The following CLEC2B variants were observed in gnomAD, a reference collection of about 807,000 sequenced individuals.
The protein encoded by CLEC2B is C-type (calcium dependent, carbohydrate-recognition domain) lectin, superfamily member 2 (activation-induced).
CLEC2B carries 14 observed loss-of-function variants against 16.2 expected under a neutral mutation model. The observed-to-expected ratio is 0.86, with a 90% CI of 0.57 to 1.35. The LOEUF (loss-of-function observed/expected upper bound fraction) is 1.35. CLEC2B is among the 40% of genes most tolerant of loss of function. The pLI is 0.00. For synonymous variants in CLEC2B, 42 were observed against 55.8 expected (o/e 0.75, Z 1.10); for missense variants, 166 against 182.3 (o/e 0.91, Z 0.52).
chr12:9,852,535 A>G lies in CLEC2B; in HGVS notation c.*765T>C, dbSNP rs982540544. 6.6e-6 allele frequency among the ~76,000 whole-genome samples: 1 copy of G among 152,180 alleles called. No individual in the cohort carries two copies. The highest frequency in any genetic ancestry group is 1.5e-5 in the Non-Finnish European group (1 of 68,028). ...TAGGTTACAACAGGTAGTTTTAGCA[A>G]CTAGGTTTGTAGAGAATTATATTTT... On this transcript the variant is annotated 3_prime_UTR_variant, in exon 5 of 5. Transcript: ENST00000228438.
chr12:9,862,427 C>T, intron 2 of CLEC2B, 72 bp downstream of exon 2: 1 of 1,290,548 alleles, frequency 7.7e-7, no homozygotes, highest in African/African-American at 1.6e-5. Flanking sequence ...GAGAAAAGAT[C>T]ATGACTGAGA....
intron 2 of CLEC2B, among the ~76,000 whole-genome samples, chr12:9,858,903 T>A (rs967644304): frequency 2.6e-5 from 4 of 152,010 alleles, no homozygotes; most frequent in African/African-American, 7.2e-5. Context: ...GGAAGATATA[T>A]CACTGAAGTT....
At chr12:9,858,593 G>A (rs1390019617) in intron 2 of CLEC2B, among the ~76,000 whole-genome samples, 1 of 151,842 alleles carries the variant, frequency 6.6e-6, no homozygotes, top group African/African-American at 2.4e-5. Flanking sequence ...GATGGCAGTG[G>A]AGCATAGTAG....
At chr12:9,862,470 T>C in intron 2 of CLEC2B, 29 bp downstream of exon 2, 4 of 1,431,600 alleles carry the variant, frequency 2.8e-6, no homozygotes, top group Non-Finnish European at 2.8e-6. Flanking sequence ...TAGAAAGCCA[T>C]GAAAAATAAA....
chr12:9,854,333 A>T, intron 4 of CLEC2B, 48 bp downstream of exon 4: 1 of 1,245,090 alleles, frequency 8.0e-7, no homozygotes, highest in Non-Finnish European at 1.2e-6. Context: ...GTCCTAGAGA[A>T]GGCTGCACTA....
intron 2 of CLEC2B, among the ~76,000 whole-genome samples, chr12:9,861,921 G>A (rs1373366851): frequency 6.6e-6 from 1 of 152,026 alleles, no homozygotes; most frequent in East Asian, 1.9e-4. Context: ...GTGTTTCTAT[G>A]AAAAATTAAG....
Position 9,852,992 on chromosome 12 carries a change from A to G in CLEC2B, c.*308T>C, listed in dbSNP as rs538910460. On this transcript the variant is annotated 3_prime_UTR_variant, in exon 5 of 5. Coordinates refer to ENST00000228438, the MANE Select transcript of CLEC2B (RefSeq NM_005127.3). The stretch of plus-strand genomic sequence containing the variant: ...TCAAATTGTTCCATATTGGGTCATG[A>G]AAGTCCTGTCTAAGTGCTATGTCTG... The G allele has an allele frequency of 3.9e-6, 1 of 253,846 alleles. No individual in the cohort carries two copies. Among genetic ancestry groups the G allele is most frequent in the East Asian group, 1.0e-4 (1 of 9,902 alleles). 15.7% of individuals were successfully genotyped at this position (253,846 alleles called of 1,614,324 possible).
At chr12:9,854,517 A>G (rs1032012479) in intron 3 of CLEC2B, 33 bp from the exon 4 acceptor site, 2 of 1,416,060 alleles carry the variant, frequency 1.4e-6, no homozygotes, top group Non-Finnish European at 2.0e-6. Flanking sequence ...AAAATCATAC[A>G]TGCCAATTTT....
Position 9,860,512 on chromosome 12 carries a change from G to A in CLEC2B, c.73+1987C>T, listed in dbSNP as rs78028587. Among the ~76,000 whole-genome samples the A allele has an allele frequency of 9.7e-3, 1,476 of 151,714 alleles. 22 individuals carry two copies. The highest frequency in any genetic ancestry group is 0.034 in the African/African-American group (1,396 of 41,480). ...CTAAAAAATTGCTGGCAGAAATTAC[G>A]GAACACCGAATCAATATTTTAAATG... On this transcript the variant is annotated intron_variant, in intron 2 of 4. Coordinates refer to ENST00000228438, the MANE Select transcript of CLEC2B (RefSeq NM_005127.3).
chr12:9,862,542 T>G lies in CLEC2B; in HGVS notation c.30A>C (p.Ile10=). The change falls in exon 2 of 5, where the codon ATA becomes ATC. Residue 10 remains isoleucine, a synonymous_variant. Transcript: ENST00000228438. ...TAGTTGTTATTAAAACACCAACAAT[T>G]ATAAAACACTTTTTATGTTTGGTCA... The part of the protein sequence containing the change: MMTKHKKCF[I]IVGVLITTNI... The G allele has an allele frequency of 6.8e-7, 1 of 1,474,412 alleles. No individual in the cohort carries two copies. Among genetic ancestry groups the G allele is most frequent in the South Asian group, 1.2e-5 (1 of 82,006 alleles). The allele number at this position is 1,474,412 out of a possible 1,614,324, so 91.3% of individuals were successfully genotyped here.
At chr12:9,855,014 A>C (rs1776749249) in intron 3 of CLEC2B, among the ~76,000 whole-genome samples, 1 of 152,154 alleles carries the variant, frequency 6.6e-6, no homozygotes, top group African/African-American at 2.4e-5. Context: ...TTCCAAATAC[A>C]TCATTCAGAA....
intron 1 of CLEC2B, among the ~76,000 whole-genome samples, chr12:9,866,154 G>A (rs1029843391): frequency 1.3e-5 from 2 of 152,166 alleles, no homozygotes; most frequent in East Asian, 3.9e-4. Flanking sequence ...AAAAAATCAA[G>A]CTCTTTCTGA....
At chr12:9,855,840 A>G (rs1175380354) in intron 3 of CLEC2B, among the ~76,000 whole-genome samples, 3 of 152,128 alleles carry the variant, frequency 2.0e-5, no homozygotes, top group East Asian at 1.9e-4. Flanking sequence ...ACTTTATCTC[A>G]TATTATTTTG....
At chr12:9,866,938 T>A (rs1867974680) in intron 1 of CLEC2B, 1 of 152,164 alleles carries the variant, frequency 6.6e-6, no homozygotes, top group Non-Finnish European at 1.5e-5. Flanking sequence ...CCCTTTCCAT[T>A]GCAAAGTTGG....
At chr12:9,857,034 C>T (rs2268141) in intron 3 of CLEC2B, 43,388 of 154,990 alleles carry the variant, frequency 0.28, 6,268 homozygotes, top group Middle Eastern at 0.34. Flanking sequence ...ATTTTCCTCT[C>T]TATTGCATTA....
At chr12:9,854,991 T>C (rs988315706) in intron 3 of CLEC2B, 1 of 154,452 alleles carries the variant, frequency 6.5e-6, no homozygotes, top group African/African-American at 2.4e-5. Flanking sequence ...ATTTTTCTGC[T>C]GAACATTTAA....
At chr12:9,854,822 A>G in intron 3 of CLEC2B, 1 of 376,346 alleles carries the variant, frequency 2.7e-6, no homozygotes, top group Non-Finnish European at 4.8e-6. Context: ...CAATTACCAC[A>G]TATTTATTAC....
At chr12:9,868,271 T>A (rs2136983041) in intron 1 of CLEC2B, among the ~76,000 whole-genome samples, 1 of 151,998 alleles carries the variant, frequency 6.6e-6, no homozygotes, top group South Asian at 2.1e-4. Context: ...TCTTAAAACT[T>A]TTGATTAAAA....
At chr12:9,866,278 A>G (rs984529848) in intron 1 of CLEC2B, among the ~76,000 whole-genome samples, 1 of 152,160 alleles carries the variant, frequency 6.6e-6, no homozygotes. Context: ...TTTCAATGCC[A>G]TGAATCAAGT....
Sources: gnomAD v4.1 joint callset for allele counts (sites outside exome capture counted in the v4.1 genomes callset) on GRCh38, gnomAD v4.1.1 for gene constraint, MANE v1.5 for transcripts, NCBI Gene and HGNC (gene_info 2026-07-23, HGNC 2026-07-21) for gene names.